Variants in RBFOX3 observed in about 807,000 individuals in gnomAD.
RBFOX3 encodes the protein RNA binding protein fox-1 homolog 3.
A neutral mutation model predicts 48.7 loss-of-function variants in RBFOX3; 17 were observed. The ratio of observed to expected loss-of-function variants is 0.35; its 90% CI spans 0.24 to 0.52. The LOEUF is 0.52. Among genes scored for constraint, RBFOX3 ranks in the 20% least tolerant of loss-of-function variants. The probability of loss-of-function intolerance (pLI) is 0.94; values close to 1 mark genes in which losing one functional copy is unlikely to be tolerated. For missense variants in RBFOX3, 382 were observed against 497.5 expected, an observed-to-expected ratio of 0.77 and a Z score of 2.21; for synonymous variants, 212 against 209.5, an observed-to-expected ratio of 1.01 and a Z score of -0.10.
the RBFOX3 span, among the ~76,000 whole-genome samples, chr17:79,663,403 T>A: frequency 6.6e-6 from 1 of 152,296 alleles, no homozygotes; most frequent in Middle Eastern, 3.4e-3. Flanking sequence ...TAGAGAAGAA[T>A]TCGTTTCTGT....
intron 2 of RBFOX3, among the ~76,000 whole-genome samples, chr17:79,427,262 T>C (rs1278990266): frequency 6.6e-6 from 1 of 152,130 alleles, no homozygotes; most frequent in Non-Finnish European, 1.5e-5. Flanking sequence ...CCATTCCACA[T>C]CACCCAGCAC....
At chr17:79,216,647 G>A (rs2059091895) in intron 4 of RBFOX3, among the ~76,000 whole-genome samples, 1 of 152,182 alleles carries the variant, frequency 6.6e-6, no homozygotes, top group South Asian at 2.1e-4. Flanking sequence ...GCAGAACCCA[G>A]GTGGGGACAG....
chr17:79,172,173 C>CAAA lies in RBFOX3; in HGVS notation c.-33-56428_-33-56426dup, dbSNP rs977301314. Among the ~76,000 whole-genome samples the CAAA allele has an allele frequency of 8.4e-4, 44 of 52,072 alleles. 1 individual carries two copies. The highest frequency in any genetic ancestry group is 8.9e-3 in the Middle Eastern group (1 of 112). The allele number at this position is 52,072 out of a possible 152,430, so 34.2% of individuals were successfully genotyped here. ...TGGGCGACAGAGTGAGAGTCCGTCT[C>CAAA]AAAAAAAAAAAAAAAAAAAAAGAGA... On this transcript the variant is annotated intron_variant, in intron 4 of 14. Coordinates refer to ENST00000693108, the MANE Select transcript of RBFOX3 (RefSeq NM_001350451.2).
In RBFOX3 at chr17:79,392,780, G is replaced by C. The variant is rs191355258; in HGVS notation, c.-174-84956C>G. 6.6e-6 allele frequency among the ~76,000 whole-genome samples: 1 copy of C among 152,166 alleles called. No individual in the cohort carries two copies. Among genetic ancestry groups the C allele is most frequent in the South Asian group, 2.1e-4 (1 of 4,824 alleles). On this transcript the variant is annotated intron_variant, in intron 2 of 14. Coordinates refer to ENST00000693108, the MANE Select transcript of RBFOX3 (RefSeq NM_001350451.2). This position sits in a 1 kb window ranked among gnomAD's most constrained non-coding sequence, Gnocchi z 5.0. ...ATGCATATGAGCCAGAAATCAACCC[G>C]CAATTGCTACAGATCTCTGATGTGG... is the stretch of plus-strand genomic sequence containing the variant.
intron 4 of RBFOX3, among the ~76,000 whole-genome samples, chr17:79,165,079 G>C (rs547869724): frequency 6.6e-6 from 1 of 152,268 alleles, no homozygotes; most frequent in African/African-American, 2.4e-5. Flanking sequence ...ACACCTAACA[G>C]GCAGGGTGGG....
intron 2 of RBFOX3, among the ~76,000 whole-genome samples, chr17:79,441,410 G>A (rs2149011164): frequency 6.6e-6 from 1 of 152,328 alleles, no homozygotes. Flanking sequence ...TCCTGGATTA[G>A]GGTGGGCCCC....
chr17:79,490,379 G>T (rs1316924200), intron 1 of RBFOX3, among the ~76,000 whole-genome samples: 3 of 152,178 alleles, frequency 2.0e-5, no homozygotes, highest in Non-Finnish European at 4.4e-5. Context: ...TTTCCCCAAG[G>T]TCGGGAGAAT....
chr17:79,282,215 C>A (rs12946426), intron 3 of RBFOX3, among the ~76,000 whole-genome samples: 50,043 of 151,984 alleles, frequency 0.33, 9,883 homozygotes, highest in East Asian at 0.5. Context: ...AGGAGACTTT[C>A]CCACAAACGA....
In RBFOX3 at chr17:79,096,669, T is replaced by C; in HGVS notation, c.920A>G (p.Tyr307Cys). Residue 307 changes from tyrosine (Y) to cysteine (C), a missense_variant, in exon 12 of 15, where the codon TAT (tyrosine) becomes TGT (cysteine). Tyr to Cys is a radical substitution (Grantham distance 194). Transcript: ENST00000693108. Reference protein sequence around the residue: ...ASRVVYQDGFYGAEIYGGYAA... With the variant: ...ASRVVYQDGFCGAEIYGGYAA... ...TACACTTACATAAATCTCAGCACCA[T>C]AAAATCCATCCTGATACACGACCCT... 2.3e-6 allele frequency: 3 copies of C among 1,320,226 alleles called. No homozygotes were observed. The highest frequency in any genetic ancestry group is 3.0e-6 in the Non-Finnish European group (3 of 994,124). The allele number at this position is 1,320,226 out of a possible 1,614,324, so 81.8% of individuals were successfully genotyped here. A position where few individuals can be genotyped will look rare whatever the true frequency, so the allele number is the denominator to read the frequency against.
At chr17:79,381,273 A>T (rs1326237534) in intron 2 of RBFOX3, among the ~76,000 whole-genome samples, 2 of 140,710 alleles carry the variant, frequency 1.4e-5, no homozygotes, top group Non-Finnish European at 3.2e-5. Flanking sequence ...AAAAAAAAAA[A>T]AGTAAAAAGA....
intron 1 of RBFOX3, among the ~76,000 whole-genome samples, chr17:79,572,713 T>C (rs891857479): frequency 2.0e-5 from 3 of 152,146 alleles, no homozygotes; most frequent in Non-Finnish European, 4.4e-5. Context: ...CCTACAGCGG[T>C]TTGCAAACGT....
At position 79,265,922 on chromosome 17, in the gene RBFOX3, C is replaced by T. The variant is rs552874227; in HGVS notation, c.-73-30117G>A. On this transcript the variant is annotated intron_variant, in intron 3 of 14. Coordinates refer to ENST00000693108, the MANE Select transcript of RBFOX3 (RefSeq NM_001350451.2). The stretch of plus-strand genomic sequence containing the variant: ...CCCCACAGAGCTCAGGTCAAGAAGG[C>T]TCATGGCACAGCATCCAGACTGCTT... Among the ~76,000 whole-genome samples the T allele has an allele frequency of 2.2e-3, 332 of 152,334 alleles. 1 individual carries two copies. The highest frequency in any genetic ancestry group is 7.4e-3 in the African/African-American group (308 of 41,578).
At position 79,115,476 on chromosome 17, in the gene RBFOX3, G is replaced by C. The variant is rs2033652173; in HGVS notation, c.222+18C>G. On this transcript the variant is annotated intron_variant, in intron 5 of 14. Transcript: ENST00000693108. ...CCTGAAGCTCCAGGGCTGGGCCTGGGGTCGTGGGGGCCCTTACCGGCACTG... is the reference window on the plus strand; with the variant it reads ...CCTGAAGCTCCAGGGCTGGGCCTGGCGTCGTGGGGGCCCTTACCGGCACTG... The C allele has an allele frequency of 7.6e-7, 1 of 1,308,228 alleles. No individual in the cohort carries two copies. The allele number at this position is 1,308,228 out of a possible 1,614,324, so 81.0% of individuals were successfully genotyped here. A position where few individuals can be genotyped will look rare whatever the true frequency, so the allele number is the denominator to read the frequency against.
the RBFOX3 span, among the ~76,000 whole-genome samples, chr17:79,654,222 A>G: frequency 2.0e-5 from 3 of 152,200 alleles, no homozygotes; most frequent in African/African-American, 7.2e-5. Flanking sequence ...TGTTTACCCC[A>G]AGATGGGTGG....
chr17:79,578,203 G>T (rs1297826613), intron 1 of RBFOX3, among the ~76,000 whole-genome samples: 2 of 152,268 alleles, frequency 1.3e-5, no homozygotes, highest in African/African-American at 4.8e-5. Context: ...TTTTGGCGAT[G>T]CCGGGAGCAA....
intron 3 of RBFOX3, among the ~76,000 whole-genome samples, chr17:79,297,753 T>C (rs1457861988): frequency 6.6e-6 from 1 of 152,238 alleles, no homozygotes; most frequent in Non-Finnish European, 1.5e-5. Context: ...CAGGAAGTTA[T>C]GCCCTTGGAA....
chr17:79,250,308 G>T (rs7217721), intron 3 of RBFOX3, among the ~76,000 whole-genome samples: 1 of 152,106 alleles, frequency 6.6e-6, no homozygotes. Flanking sequence ...ATCGACAGTT[G>T]GGTTTGTTTA....
At chr17:79,239,056 C>G (rs2061995162) in intron 3 of RBFOX3, among the ~76,000 whole-genome samples, 1 of 152,288 alleles carries the variant, frequency 6.6e-6, no homozygotes, top group Non-Finnish European at 1.5e-5. Flanking sequence ...GGAAGGTGGT[C>G]TCTGTGCAGA....
In RBFOX3 at chr17:79,214,839, A is replaced by G. The variant is rs1205401965; in HGVS notation, c.-34+20927T>C. On this transcript the variant is annotated intron_variant, in intron 4 of 14. Transcript: ENST00000693108. This position sits in a 1 kb window ranked among gnomAD's most constrained non-coding sequence, Gnocchi z 4.7. The stretch of plus-strand genomic sequence containing the variant: ...AACAGCTTCTATTACTCCAGGGCAA[A>G]CTTTAAAAAACATAATATTTATAGA... Among the ~76,000 whole-genome samples, 1 of 152,142 alleles carries G rather than the reference A, an allele frequency of 6.6e-6. No homozygotes were observed. Among genetic ancestry groups the G allele is most frequent in the African/African-American group, 2.4e-5 (1 of 41,436 alleles).
Sources: gnomAD v4.1 joint callset for allele counts (sites outside exome capture counted in the v4.1 genomes callset) on GRCh38, gnomAD v4.1.1 for gene constraint, Gnocchi (gnomAD v3.1) non-coding constraint, MANE v1.5 for transcripts, NCBI Gene and HGNC (gene_info 2026-07-23, HGNC 2026-07-21) for gene names.